FGL1: variants seen among roughly 807,000 people sequenced by gnomAD.
FGL1 encodes fibrinogen like 1.
FGL1 carries 59 observed loss-of-function variants against 43.7 expected under a neutral mutation model. The ratio of observed to expected loss-of-function variants is 1.35; its 90% CI spans 1.10 to 1.68. FGL1 has a LOEUF of 1.68. Ranked by LOEUF, FGL1 falls within the 40% of genes most tolerant of loss-of-function variation. The pLI is 0.00. For synonymous variants in FGL1, 192 were observed against 126.5 expected, an observed-to-expected ratio of 1.52 and a Z score of -3.48; for missense variants, 596 against 373.0, an observed-to-expected ratio of 1.60 and a Z score of -4.92.
chr8:17,874,720 C>A, intron 3 of FGL1, 199 bp from the exon 4 acceptor site: 1 of 384,938 alleles, frequency 2.6e-6, no homozygotes, highest in African/African-American at 2.1e-5. Context: ...AATTTGCCAC[C>A]TGAATCCTTG....
chr8:17,872,003 T>C lies in FGL1; in HGVS notation c.502+2016A>G, dbSNP rs372846065. Among the ~76,000 whole-genome samples the C allele has an allele frequency of 9.8e-5, 15 of 152,328 alleles. No homozygotes were observed. The South Asian group carries it at 1.5e-3, about 15-fold the overall frequency. On this transcript the variant is annotated intron_variant, in intron 5 of 7. Transcript: ENST00000427924. Reference sequence around the variant, plus strand: ...ATAAGAAACCAGATAAATATCAATGTGCAAATGAAACAGAAGTTGGTATGG... The same window carrying C: ...ATAAGAAACCAGATAAATATCAATGCGCAAATGAAACAGAAGTTGGTATGG...
chr8:17,881,931 T>G, intron 3 of FGL1, 68 bp downstream of exon 3: 1 of 1,282,990 alleles, frequency 7.8e-7, no homozygotes, highest in Non-Finnish European at 1.1e-6. Flanking sequence ...CTGAAATAAC[T>G]AGCACCATCA....
intron 4 of FGL1, 60 bp downstream of exon 4, chr8:17,874,302 T>G (rs995102614): frequency 2.3e-5 from 36 of 1,550,402 alleles, no homozygotes; most frequent in Non-Finnish European, 3.1e-5. Context: ...ATCAAAATAT[T>G]TGACTTATAA....
intron 5 of FGL1, among the ~76,000 whole-genome samples, chr8:17,873,021 C>G (rs1017723541): frequency 6.6e-6 from 1 of 152,082 alleles, no homozygotes; most frequent in African/African-American, 2.4e-5. Context: ...TTGGTTGCAG[C>G]TTTGAAAAAA....
In FGL1 at chr8:17,870,035, A is replaced by G. The variant is rs559792298; in HGVS notation, c.503-1031T>C. Among the ~76,000 whole-genome samples, 403 of 152,240 alleles carry G rather than the reference A, an allele frequency of 2.6e-3. 1 individual carries two copies. The highest frequency in any genetic ancestry group is 9.4e-3 in the African/African-American group (389 of 41,560). On this transcript the variant is annotated intron_variant, in intron 5 of 7. Transcript: ENST00000427924. ...TGAGGCAGGAGAATGGCGTGAACCCAGAAGGCAGAGCTTGCAGTGAGCCGA... is the reference window on the plus strand; with the variant it reads ...TGAGGCAGGAGAATGGCGTGAACCCGGAAGGCAGAGCTTGCAGTGAGCCGA...
Position 17,882,106 on chromosome 8 carries a change from T to A in FGL1, c.137A>T (p.Gln46Leu). The change falls in exon 3 of 8, where the codon CAG (glutamine) becomes CTG (leucine). Residue 46 changes from glutamine (Q) to leucine (L), a missense_variant. By Grantham distance (113) the Gln-to-Leu change is moderately radical. Transcript: ENST00000427924. ...QVRLLETRVKQQQVKIKQLLQ... is the reference protein window; with the variant it reads ...QVRLLETRVKLQQVKIKQLLQ... ...AAGCTGCTTGATCTTGACCTGTTGCTGTTTGACCCGGGTCTCAAGCAGGCG... is the reference window on the plus strand; with the variant it reads ...AAGCTGCTTGATCTTGACCTGTTGCAGTTTGACCCGGGTCTCAAGCAGGCG... 3.1e-6 allele frequency: 5 copies of A among 1,614,128 alleles called. No homozygotes were observed. The highest frequency in any genetic ancestry group is 4.2e-6 in the Non-Finnish European group (5 of 1,180,010).
At chr8:17,890,133 A>C (rs2053683914) in intron 1 of FGL1, among the ~76,000 whole-genome samples, 1 of 152,232 alleles carries the variant, frequency 6.6e-6, no homozygotes, top group African/African-American at 2.4e-5. Flanking sequence ...TCAAATAGTG[A>C]AGCAAAGTAA....
chr8:17,869,497 T>C (rs2053324211), intron 5 of FGL1, among the ~76,000 whole-genome samples: 1 of 152,204 alleles, frequency 6.6e-6, no homozygotes, highest in South Asian at 2.1e-4. Context: ...ACTTGGTTAT[T>C]TTCCTGATAG....
chr8:17,882,930 T>A lies in FGL1; in HGVS notation c.64-751A>T, dbSNP rs1219429413. ...TAAATAATATATAATATATCTCATA[T>A]ATAATATATTAAATAATATATAATA... is the stretch of plus-strand genomic sequence containing the variant. On this transcript the variant is annotated intron_variant, in intron 2 of 7. Coordinates refer to ENST00000427924, the MANE Select transcript of FGL1 (RefSeq NM_004467.4). Among the ~76,000 whole-genome samples the A allele has an allele frequency of 9.2e-4, 95 of 103,380 alleles. 12 individuals carry two copies. Among genetic ancestry groups the A allele is most frequent in the African/African-American group, 4.4e-3 (90 of 20,326 alleles). 67.8% of individuals were successfully genotyped at this position (103,380 alleles called of 152,430 possible).
At chr8:17,875,616 T>G (rs2053444903) in intron 3 of FGL1, among the ~76,000 whole-genome samples, 1 of 149,032 alleles carries the variant, frequency 6.7e-6, no homozygotes, top group East Asian at 2.0e-4. Flanking sequence ...TTTCTTTCTT[T>G]TCCTTTGAGA....
intron 1 of FGL1, 160 bp from the exon 2 acceptor site, chr8:17,885,731 C>T: frequency 3.3e-6 from 2 of 603,660 alleles, no homozygotes; most frequent in Non-Finnish European, 5.8e-6. Context: ...AGCCTCTCAC[C>T]ACACAGAATG....
intron 1 of FGL1, among the ~76,000 whole-genome samples, chr8:17,886,969 A>G (rs2131740523): frequency 6.6e-6 from 1 of 152,286 alleles, no homozygotes; most frequent in East Asian, 1.9e-4. Context: ...ATCCTCATCT[A>G]AATCCTGTGC....
rs185922955 is a variant in FGL1 at position 17,889,029 on chromosome 8, G to A, written c.-17-3458C>T. ...AAACAGGCTTGATGGGACAGTAAGC[G>A]TAGTTCCACAAAGATGCCAAGCAGC... On this transcript the variant is annotated intron_variant, in intron 1 of 7. Transcript: ENST00000427924. Among the ~76,000 whole-genome samples, 263 of 152,214 alleles carry A rather than the reference G, an allele frequency of 1.7e-3. 2 individuals are homozygous for A. The highest frequency in any genetic ancestry group is 0.013 in the East Asian group (66 of 5,168).
At position 17,874,805 on chromosome 8, in the gene FGL1, A is replaced by AT. The variant is rs549441794; in HGVS notation, c.245-285dup. 4.9e-3 allele frequency: 1,062 copies of AT among 215,600 alleles called. 3 individuals are homozygous for AT. Among genetic ancestry groups the AT allele is most frequent in the African/African-American group, 9.6e-3 (421 of 43,640 alleles). 13.4% of individuals were successfully genotyped at this position (215,600 alleles called of 1,614,324 possible). ...GTTTCTTTCTTCTTTTTTCTTTTAC[A>AT]TTTTTTTTAAGAAATGGGGGCGTGT... On this transcript the variant is annotated intron_variant, in intron 3 of 7. Coordinates refer to ENST00000427924, the MANE Select transcript of FGL1 (RefSeq NM_004467.4).
intron 1 of FGL1, among the ~76,000 whole-genome samples, chr8:17,894,953 G>C (rs2053754208): frequency 1.3e-5 from 2 of 148,864 alleles, no homozygotes; most frequent in Non-Finnish European, 3.0e-5. Flanking sequence ...CTTAGCATTA[G>C]ATTTAGTAAA....
chr8:17,873,554 G>A (rs185449733), intron 5 of FGL1, among the ~76,000 whole-genome samples: 40 of 152,006 alleles, frequency 2.6e-4, no homozygotes, highest in African/African-American at 8.0e-4. Flanking sequence ...ATTGTTACAC[G>A]TTATTATTGT....
intron 5 of FGL1, among the ~76,000 whole-genome samples, chr8:17,873,485 C>A (rs1025102678): frequency 1.3e-5 from 2 of 152,014 alleles, no homozygotes; most frequent in African/African-American, 2.4e-5. Flanking sequence ...AGCCAACCTG[C>A]AGATTTGTGA....
At chr8:17,872,302 T>TTTATTATTATTCTTATTATTATTA (rs2053375300) in intron 5 of FGL1, among the ~76,000 whole-genome samples, 1 of 146,798 alleles carries the variant, frequency 6.8e-6, no homozygotes, top group Admixed American at 6.7e-5. Context: ...TCTTAATTAC[T>TTTATTATTATTCTTATTATTATTA]TTATTATTAT....
At chr8:17,869,314 C>T (rs2053321552) in intron 5 of FGL1, among the ~76,000 whole-genome samples, 1 of 152,124 alleles carries the variant, frequency 6.6e-6, no homozygotes, top group Non-Finnish European at 1.5e-5. Flanking sequence ...TTAAAGCAAT[C>T]TAACAATGAA....
Sources: gnomAD v4.1 joint callset for allele counts (sites outside exome capture counted in the v4.1 genomes callset) on GRCh38, gnomAD v4.1.1 for gene constraint, MANE v1.5 for transcripts, NCBI Gene and HGNC (gene_info 2026-07-23, HGNC 2026-07-21) for gene names.